Variants in GPC6 observed in about 807,000 individuals in gnomAD.
GPC6 encodes glypican 6, also known as glypican-6.
Under a neutral mutation model 55.2 loss-of-function variants are expected in GPC6, and 14 were observed. The observed-to-expected ratio is 0.25, with a 90% CI of 0.17 to 0.40. The LOEUF (loss-of-function observed/expected upper bound fraction) is 0.40, where lower values mean the gene tolerates loss of function less well. Ranked by LOEUF, GPC6 falls within the 10% of genes least tolerant of loss-of-function variation. The probability of loss-of-function intolerance (pLI) is 1.00; values close to 1 mark genes in which losing one functional copy is unlikely to be tolerated. For synonymous variants in GPC6, 278 were observed against 259.6 expected, an observed-to-expected ratio of 1.07 and a Z score of -0.68; for missense variants, 641 against 708.5, an observed-to-expected ratio of 0.90 and a Z score of 1.08.
chr13:94,116,558 T>C (rs1886436433), intron 4 of GPC6, among the ~76,000 whole-genome samples: 1 of 152,138 alleles, frequency 6.6e-6, no homozygotes, highest in African/African-American at 2.4e-5. Context: ...GCCCTTGGTT[T>C]CTTTCCTGTC....
At chr13:94,382,320 C>T in intron 6 of GPC6, 94 bp from the exon 7 acceptor site, 2 of 1,299,322 alleles carry the variant, frequency 1.5e-6, no homozygotes, top group Admixed American at 1.7e-5. Flanking sequence ...GGTCATATCA[C>T]AGGTTCTATA....
intron 2 of GPC6, among the ~76,000 whole-genome samples, chr13:93,549,736 C>G: frequency 6.6e-6 from 1 of 151,492 alleles, no homozygotes; most frequent in Non-Finnish European, 1.5e-5. Context: ...AAATGACTGT[C>G]AAGGAAAAGT....
chr13:93,912,018 G>C (rs1044250732), intron 3 of GPC6, among the ~76,000 whole-genome samples: 7 of 152,170 alleles, frequency 4.6e-5, no homozygotes, highest in African/African-American at 1.7e-4. Context: ...AGATGACAGA[G>C]ACTAGAACTT....
At chr13:93,419,903 T>C (rs1876863670) in intron 1 of GPC6, among the ~76,000 whole-genome samples, 1 of 152,130 alleles carries the variant, frequency 6.6e-6, no homozygotes, top group Non-Finnish European at 1.5e-5. Context: ...GTCTATTATA[T>C]TGGGAGGGAA....
At chr13:93,383,239 T>A (rs767119256) in intron 1 of GPC6, among the ~76,000 whole-genome samples, 1 of 152,164 alleles carries the variant, frequency 6.6e-6, no homozygotes, top group African/African-American at 2.4e-5. Flanking sequence ...TGAGATAGGG[T>A]CTCACTCTGC....
intron 3 of GPC6, among the ~76,000 whole-genome samples, chr13:93,911,188 T>C (rs555576462): frequency 6.6e-6 from 1 of 152,296 alleles, no homozygotes; most frequent in African/African-American, 2.4e-5. Flanking sequence ...GGCAAAGTCA[T>C]AATGACCAGA....
chr13:94,017,633 G>C (rs1161942816), intron 3 of GPC6, among the ~76,000 whole-genome samples: 1 of 152,052 alleles, frequency 6.6e-6, no homozygotes, highest in African/African-American at 2.4e-5. Context: ...ATATGTTATA[G>C]GATCATGTAA....
intron 3 of GPC6, among the ~76,000 whole-genome samples, chr13:93,970,217 T>A (rs1270762324): frequency 6.6e-6 from 1 of 152,208 alleles, no homozygotes; most frequent in East Asian, 1.9e-4. Flanking sequence ...GCAGGGCTAT[T>A]TTGTAGTCTG....
intron 4 of GPC6, among the ~76,000 whole-genome samples, chr13:94,220,604 A>G (rs891640705): frequency 5.3e-5 from 8 of 152,118 alleles, no homozygotes; most frequent in Admixed American, 5.2e-4. Flanking sequence ...TTATTGTCTC[A>G]TAGTCCTGGA....
At chr13:93,555,057 C>A (rs1875384532) in intron 2 of GPC6, among the ~76,000 whole-genome samples, 1 of 152,064 alleles carries the variant, frequency 6.6e-6, no homozygotes, top group African/African-American at 2.4e-5. Context: ...AATCGGGGCT[C>A]CAAGGCCTTT....
chr13:94,350,075 T>TTGTGTGTGTGTGTGTGTGTG (rs367555548), intron 6 of GPC6, among the ~76,000 whole-genome samples: 3,715 of 150,094 alleles, frequency 0.025, 88 homozygotes, highest in African/African-American at 0.06. Context: ...TATATATCTT[T>TTGTGTGTGTGTGTGTGTGTG]TGTGTGTGTG....
chr13:93,483,429 A>G (rs944718717), intron 1 of GPC6, among the ~76,000 whole-genome samples: 2 of 152,120 alleles, frequency 1.3e-5, no homozygotes, highest in African/African-American at 4.8e-5. Context: ...GTAATAAATC[A>G]TTAGTTATTA....
intron 4 of GPC6, among the ~76,000 whole-genome samples, chr13:94,243,088 C>A (rs1340409259): frequency 6.6e-6 from 1 of 152,036 alleles, no homozygotes; most frequent in Non-Finnish European, 1.5e-5. Flanking sequence ...GATGGAATGA[C>A]ATCTTTGGAA....
At chr13:93,711,090 A>G in intron 2 of GPC6, among the ~76,000 whole-genome samples, 1 of 151,834 alleles carries the variant, frequency 6.6e-6, no homozygotes, top group East Asian at 1.9e-4. Context: ...AACAAGGCTG[A>G]GAAATTATAA....
intron 2 of GPC6, among the ~76,000 whole-genome samples, chr13:93,772,472 G>A (rs1885333542): frequency 6.6e-6 from 1 of 152,040 alleles, no homozygotes. Context: ...AAGGATTTCA[G>A]TGGGACAATC....
intron 3 of GPC6, among the ~76,000 whole-genome samples, chr13:93,840,307 C>T (rs965347964): frequency 1.3e-5 from 2 of 152,086 alleles, no homozygotes; most frequent in Non-Finnish European, 2.9e-5. Flanking sequence ...TTCGAGGCTA[C>T]TGTGAACACA....
At chr13:93,496,149 C>G (rs1880265227) in intron 1 of GPC6, among the ~76,000 whole-genome samples, 1 of 152,116 alleles carries the variant, frequency 6.6e-6, no homozygotes, top group Admixed American at 6.5e-5. Flanking sequence ...AGTTTGATCT[C>G]AGACTGCTGT....
chr13:94,271,000 T>C (rs1179158692), intron 4 of GPC6, among the ~76,000 whole-genome samples: 1 of 54,076 alleles, frequency 1.8e-5, no homozygotes, highest in African/African-American at 7.3e-5. Context: ...TTTTTTTTTT[T>C]TTTTTCTGAG....
In GPC6 at chr13:94,076,606, G is replaced by A. The variant is rs1343284116; in HGVS notation, c.877+48712G>A. The stretch of plus-strand genomic sequence containing the variant: ...TGTGTTTTCTCCTAGTTGTTTTAGA[G>A]TTTCAGGTCTTATGTTTAAGTGTTT... On this transcript the variant is annotated intron_variant, in intron 4 of 8. Transcript: ENST00000377047. Among the ~76,000 whole-genome samples the A allele has an allele frequency of 2.0e-5, 3 of 151,916 alleles. No individual in the cohort carries two copies. In the East Asian group the frequency reaches 5.8e-4, roughly 29 times the overall value.
Sources: allele counts gnomAD v4.1 joint callset (sites outside exome capture counted in the v4.1 genomes callset), GRCh38; gene constraint gnomAD v4.1.1; transcripts MANE v1.5; gene names NCBI Gene and HGNC (gene_info 2026-07-23, HGNC 2026-07-21).